Variants in PRRC2B observed in about 807,000 individuals in gnomAD.
PRRC2B encodes proline rich coiled-coil 2B.
A neutral mutation model predicts 242.3 loss-of-function variants in PRRC2B; 68 were observed. That is an observed-to-expected ratio of 0.28 (90% CI 0.23 to 0.34). The LOEUF (loss-of-function observed/expected upper bound fraction) is 0.34, where lower values mean the gene tolerates loss of function less well. PRRC2B is among the 10% of genes least tolerant of loss of function. The probability of loss-of-function intolerance (pLI) is 1.00; values close to 1 mark genes in which losing one functional copy is unlikely to be tolerated. For missense variants in PRRC2B, 2,835 were observed against 2,954.8 expected, an observed-to-expected ratio of 0.96 and a Z score of 0.94; for synonymous variants, 1,228 against 1,173.6, an observed-to-expected ratio of 1.05 and a Z score of -0.95.
chr9:131,407,917 T>C (rs1837408494), intron 1 of PRRC2B, among the ~76,000 whole-genome samples: 1 of 152,198 alleles, frequency 6.6e-6, no homozygotes, highest in South Asian at 2.1e-4. Context: ...GAGGATGCTC[T>C]CTGCAGCTGT....
intron 1 of PRRC2B, among the ~76,000 whole-genome samples, chr9:131,419,294 A>G (rs532960061): frequency 4.6e-5 from 7 of 152,338 alleles, no homozygotes; most frequent in African/African-American, 7.2e-5. Flanking sequence ...AAAGGGGTCC[A>G]CTAGCAGATC....
rs764232037 is a variant in PRRC2B, at chr9:131,499,189, C to T, written c.*3315C>T. The stretch of plus-strand genomic sequence containing the variant: ...AGTGCTCTCCAGCCGTGCTGTCACC[C>T]TCCTATCTTCTGGATCTGCCTTCGC... On this transcript the variant is annotated 3_prime_UTR_variant, in exon 32 of 32. Transcript: ENST00000683519. 7 of 152,232 alleles carry T rather than the reference C, an allele frequency of 4.6e-5. No homozygotes were observed. Among genetic ancestry groups the T allele is most frequent in the Non-Finnish European group, 7.3e-5 (5 of 68,054 alleles). 9.4% of individuals were successfully genotyped at this position (152,232 alleles called of 1,614,324 possible). A position where few individuals can be genotyped will look rare whatever the true frequency, so the allele number is the denominator to read the frequency against.
chr9:131,468,133 T>C (rs1161437477), intron 13 of PRRC2B, among the ~76,000 whole-genome samples: 1 of 152,218 alleles, frequency 6.6e-6, no homozygotes, highest in Non-Finnish European at 1.5e-5. Context: ...TAGAGGACAG[T>C]GTTTCCCACC....
At chr9:131,436,803 T>C (rs563039821) in intron 4 of PRRC2B, 81 bp downstream of exon 4, 4 of 1,162,470 alleles carry the variant, frequency 3.4e-6, no homozygotes, top group East Asian at 4.7e-5. Flanking sequence ...ATGGAAGGAG[T>C]TGCTACTGAG....
rs571011940 is a variant in PRRC2B, at chr9:131,499,155, G to A, written c.*3281G>A. The A allele has an allele frequency of 7.9e-5, 12 of 152,296 alleles. No homozygotes were observed. Among genetic ancestry groups the A allele is most frequent in the East Asian group, 1.9e-4 (1 of 5,180 alleles). 9.4% of individuals were successfully genotyped at this position (152,296 alleles called of 1,614,324 possible). Reference sequence around the variant, plus strand: ...GGGACACTGGGGAACCTTGTTAAACGTTGACATCAGTGCTCTCCAGCCGTG... The same window carrying A: ...GGGACACTGGGGAACCTTGTTAAACATTGACATCAGTGCTCTCCAGCCGTG... On this transcript the variant is annotated 3_prime_UTR_variant, in exon 32 of 32. Transcript: ENST00000683519.
chr9:131,439,107 G>C (rs750128826), intron 5 of PRRC2B, 46 bp downstream of exon 5: 11 of 1,535,370 alleles, frequency 7.2e-6, no homozygotes, highest in Non-Finnish European at 8.1e-6. Context: ...TGGGGAGAGG[G>C]AGGTGAATGC....
rs1258539820 is a variant in PRRC2B, at chr9:131,468,254, C to G, written c.1911+501C>G. 2.6e-4 allele frequency among the ~76,000 whole-genome samples: 39 copies of G among 152,176 alleles called. 1 individual carries two copies. The highest frequency in any genetic ancestry group is 1.5e-5 in the Non-Finnish European group (1 of 68,036). ...GTAGGTTTGCAGGTTTCAAGTTGGA[C>G]AGCTCCCTTCCTGATGTTGCTGCTG... is the stretch of plus-strand genomic sequence containing the variant. On this transcript the variant is annotated intron_variant, in intron 13 of 31. Coordinates refer to ENST00000683519, the MANE Select transcript of PRRC2B (RefSeq NM_013318.4).
chr9:131,485,745 G>A (rs1260432419), intron 25 of PRRC2B: 1 of 592,640 alleles, frequency 1.7e-6, no homozygotes, highest in Admixed American at 1.9e-5. Context: ...GACAGTGACT[G>A]AGAGACCAAG....
chr9:131,471,113 G>C, intron 14 of PRRC2B, 130 bp downstream of exon 14: 1 of 585,532 alleles, frequency 1.7e-6, no homozygotes, highest in Non-Finnish European at 3.0e-6. Flanking sequence ...CAACTGGTCT[G>C]AGTTTCAAAG....
intron 5 of PRRC2B, among the ~76,000 whole-genome samples, chr9:131,442,319 G>A (rs1182054961): frequency 1.3e-5 from 2 of 152,002 alleles, no homozygotes; most frequent in Non-Finnish European, 2.9e-5. Flanking sequence ...TTTTTGTAGA[G>A]ATGGGGTTTC....
chr9:131,472,624 C>T (rs1393058690), intron 14 of PRRC2B, among the ~76,000 whole-genome samples: 3 of 151,940 alleles, frequency 2.0e-5, no homozygotes, highest in African/African-American at 7.3e-5. Flanking sequence ...TTACAGGCAC[C>T]TGCCACCATG....
At chr9:131,380,784 A>G (rs1469631609) in intron 1 of PRRC2B, among the ~76,000 whole-genome samples, 1 of 149,614 alleles carries the variant, frequency 6.7e-6, no homozygotes, top group Non-Finnish European at 1.5e-5. Flanking sequence ...AGGCTGAGGC[A>G]GGAGAACCGC....
intron 5 of PRRC2B, among the ~76,000 whole-genome samples, chr9:131,443,550 C>G (rs1317854789): frequency 1.3e-5 from 2 of 152,086 alleles, no homozygotes. Context: ...CCTCCCACCC[C>G]AGCCTCCTGA....
At position 131,475,025 on chromosome 9, in the gene PRRC2B, C is replaced by T. The variant is rs1270905273; in HGVS notation, c.2896C>T (p.Leu966=). ...EKELEKIKQE[L]GEESTRLAKE... Reference sequence around the variant, plus strand: ...GGAGCTTGAGAAGATTAAGCAGGAGCTAGGGGAGGAGAGTACCCGGCTGGC... The same window carrying T: ...GGAGCTTGAGAAGATTAAGCAGGAGTTAGGGGAGGAGAGTACCCGGCTGGC... Residue 966 remains leucine, a synonymous_variant, in exon 16 of 32, where the codon CTA becomes TTA. Transcript: ENST00000683519. The T allele has an allele frequency of 6.2e-7, 1 of 1,607,152 alleles. No individual in the cohort carries two copies.
At chr9:131,451,883 C>T (rs567936385) in intron 9 of PRRC2B, among the ~76,000 whole-genome samples, 36 of 152,060 alleles carry the variant, frequency 2.4e-4, no homozygotes, top group African/African-American at 8.7e-4. Flanking sequence ...TAATGCTAAA[C>T]CAACCTTGCA....
At chr9:131,405,350 G>A (rs978038319) in intron 1 of PRRC2B, among the ~76,000 whole-genome samples, 4 of 152,198 alleles carry the variant, frequency 2.6e-5, no homozygotes, top group Non-Finnish European at 5.9e-5. Flanking sequence ...TCTTCCAACT[G>A]TTATACACTG....
intron 12 of PRRC2B, among the ~76,000 whole-genome samples, chr9:131,466,212 C>T (rs1238000952): frequency 6.6e-6 from 1 of 152,176 alleles, no homozygotes; most frequent in Non-Finnish European, 1.5e-5. Context: ...GTCCTAGTGC[C>T]CTTCTGGCCA....
intron 1 of PRRC2B, among the ~76,000 whole-genome samples, chr9:131,413,376 C>T (rs968053162): frequency 3.3e-5 from 5 of 152,170 alleles, no homozygotes; most frequent in Admixed American, 2.6e-4. Flanking sequence ...TGTAAATGAC[C>T]CTGTCTCCTT....
Position 131,496,468 on chromosome 9 carries a change from T to A in PRRC2B, c.*594T>A, listed in dbSNP as rs1271144190. On this transcript the variant is annotated 3_prime_UTR_variant, in exon 32 of 32. Transcript: ENST00000683519. ...ACTGCAGTACCTTAAGAGGTGACTC[T>A]TAAGAATGCATCCCCTCCTGATTCC... is the stretch of plus-strand genomic sequence containing the variant. 6.6e-6 allele frequency: 1 copy of A among 152,284 alleles called. No homozygotes were observed. The highest frequency in any genetic ancestry group is 1.5e-5 in the Non-Finnish European group (1 of 68,084). 9.4% of individuals were successfully genotyped at this position (152,284 alleles called of 1,614,324 possible). A position where few individuals can be genotyped will look rare whatever the true frequency, so the allele number is the denominator to read the frequency against.
Sources: allele counts gnomAD v4.1 joint callset (sites outside exome capture counted in the v4.1 genomes callset), GRCh38; gene constraint gnomAD v4.1.1; transcripts MANE v1.5; gene names NCBI Gene and HGNC (gene_info 2026-07-23, HGNC 2026-07-21).